The following ARMC3 variants were observed in gnomAD, a reference collection of about 807,000 sequenced individuals.
ARMC3 encodes the protein armadillo repeat containing 3.
Under a neutral mutation model 90.3 loss-of-function variants are expected in ARMC3, and 74 were observed. The observed-to-expected ratio is 0.82, with a 90% CI of 0.68 to 0.99. ARMC3 has a LOEUF of 0.99. Among genes scored for constraint, ARMC3 ranks in the 50% least tolerant of loss-of-function variants. The pLI is 0.00. For synonymous variants in ARMC3, 334 were observed against 361.8 expected (o/e 0.92, Z 0.87); for missense variants, 958 against 1,042.8 (o/e 0.92, Z 1.12).
chr10:23,009,825 C>T (rs1382208423), intron 16 of ARMC3, among the ~76,000 whole-genome samples: 1 of 152,150 alleles, frequency 6.6e-6, no homozygotes, highest in Non-Finnish European at 1.5e-5. Context: ...TTAAAACATA[C>T]TTCTTCTATG....
intron 7 of ARMC3, among the ~76,000 whole-genome samples, chr10:22,963,837 C>T (rs1408506733): frequency 7.4e-6 from 1 of 134,872 alleles, no homozygotes; most frequent in African/African-American, 2.7e-5. Context: ...TTGCAGTGAG[C>T]TGAGATCGCA....
chr10:23,013,996 C>G, intron 16 of ARMC3: 1 of 1,317,750 alleles, frequency 7.6e-7, no homozygotes. Context: ...AGATGTTTGA[C>G]TCCTTTACAG....
At position 23,031,263 on chromosome 10, in the gene ARMC3, G is replaced by A. The variant is rs141945292; in HGVS notation, c.2246+467G>A. The A allele has an allele frequency of 3.6e-5, 6 of 165,302 alleles. No homozygotes were observed. The East Asian group carries it at 1.0e-3, about 28-fold the overall frequency. The allele number at this position is 165,302 out of a possible 1,614,324, so 10.2% of individuals were successfully genotyped here. A position where few individuals can be genotyped will look rare whatever the true frequency, so the allele number is the denominator to read the frequency against. On this transcript the variant is annotated intron_variant, in intron 17 of 18. Transcript: ENST00000298032. The stretch of plus-strand genomic sequence containing the variant: ...TTTCATGTTACTCTAAGTGGGGTGT[G>A]AGCATTCTAAACAATGGCTGCTTAG...
intron 8 of ARMC3, among the ~76,000 whole-genome samples, chr10:22,980,808 T>G (rs1191568569): frequency 1.3e-5 from 2 of 152,234 alleles, no homozygotes; most frequent in South Asian, 2.1e-4. Flanking sequence ...AAAATGATTA[T>G]ATTTTGATAT....
intron 11 of ARMC3, among the ~76,000 whole-genome samples, chr10:22,999,626 T>C (rs1012829849): frequency 6.6e-6 from 1 of 152,222 alleles, no homozygotes; most frequent in African/African-American, 2.4e-5. Context: ...GGTATGTTTG[T>C]AATCCACATA....
At chr10:23,005,599 A>G (rs1312555072) in intron 13 of ARMC3, among the ~76,000 whole-genome samples, 1 of 151,874 alleles carries the variant, frequency 6.6e-6, no homozygotes, top group Non-Finnish European at 1.5e-5. Context: ...GTGCGGTGGC[A>G]CACGCCTGTA....
chr10:22,958,260 AC>A (rs1299769571), intron 4 of ARMC3, among the ~76,000 whole-genome samples: 4 of 152,184 alleles, frequency 2.6e-5, no homozygotes, highest in African/African-American at 7.2e-5. Flanking sequence ...ATAAAAATGT[AC>A]TTTAAAACAG....
rs768184494 is a variant in ARMC3 at position 23,033,031 on chromosome 10, AGGT to A, written c.2409+9_2409+11del. On this transcript the variant is annotated intron_variant, in intron 18 of 18. Transcript: ENST00000298032. ...CGAGCTTTGCTTTTCAAGGTGTGTAAGGTATTTTGCCTCATTTGCCATTAAGTA... is the reference window on the plus strand; with the variant it reads ...CGAGCTTTGCTTTTCAAGGTGTGTAAATTTTGCCTCATTTGCCATTAAGTA... 7.0e-5 allele frequency: 113 copies of A among 1,611,452 alleles called. 1 individual carries two copies. The East Asian group carries it at 2.5e-3, about 36-fold the overall frequency.
rs777746153 is a variant in ARMC3 at position 23,037,383 on chromosome 10, C to A, written c.2523C>A (p.Leu841=). Residue 841 remains leucine (L), a synonymous_variant, in exon 19 of 19, where the codon CTC becomes CTA. Transcript: ENST00000298032. ...NDSRKGVIGG[L]PAPEMYVIDL... is the part of the protein sequence containing the mutation. Reference sequence around the variant, plus strand: ...CTCGGAAGGGAGTGATTGGGGGCCTCCCCGCTCCTGAGATGTACGTGATTG... The same window carrying A: ...CTCGGAAGGGAGTGATTGGGGGCCTACCCGCTCCTGAGATGTACGTGATTG... 6.2e-7 allele frequency: 1 copy of A among 1,613,836 alleles called. No individual in the cohort carries two copies. The highest frequency in any genetic ancestry group is 8.5e-7 in the Non-Finnish European group (1 of 1,179,922).
chr10:23,024,175 T>G (rs1007577476), intron 16 of ARMC3, among the ~76,000 whole-genome samples: 3 of 152,258 alleles, frequency 2.0e-5, no homozygotes, highest in Non-Finnish European at 4.4e-5. Context: ...AAGTGGCATG[T>G]TTTTCAAGTG....
chr10:22,989,326 A>G (rs1344980516), intron 10 of ARMC3, among the ~76,000 whole-genome samples: 1 of 152,176 alleles, frequency 6.6e-6, no homozygotes, highest in Non-Finnish European at 1.5e-5. Flanking sequence ...GTCATTTACA[A>G]ATGTTTTGAC....
At chr10:22,969,697 T>C (rs756077325) in intron 8 of ARMC3, among the ~76,000 whole-genome samples, 2 of 152,262 alleles carry the variant, frequency 1.3e-5, no homozygotes, top group East Asian at 3.8e-4. Flanking sequence ...GTCAGTTCTC[T>C]CTTCCTTCTA....
At position 23,008,893 on chromosome 10, in the gene ARMC3, T is replaced by C; in HGVS notation, c.2007T>C (p.Thr669=). Residue 669 remains threonine (T), a synonymous_variant, in exon 16 of 19, where the codon ACT becomes ACC. Coordinates refer to ENST00000298032, the MANE Select transcript of ARMC3 (RefSeq NM_173081.5). ...DKSEPASGRN[T]VLSKSATKEK... is the part of the protein sequence containing the mutation. ...CAGAGCCAGCTTCTGGACGAAATAC[T>C]GTTCTCAGCAAAAGCGCCACCAAAG... The C allele has an allele frequency of 1.2e-6, 2 of 1,614,002 alleles. No homozygotes were observed. Among genetic ancestry groups the C allele is most frequent in the Non-Finnish European group, 1.7e-6 (2 of 1,179,926 alleles).
At chr10:22,980,154 T>G (rs1836120956) in intron 8 of ARMC3, among the ~76,000 whole-genome samples, 1 of 152,118 alleles carries the variant, frequency 6.6e-6, no homozygotes, top group Non-Finnish European at 1.5e-5. Flanking sequence ...AATGAATGAG[T>G]TCCACATGTA....
At chr10:23,006,611 A>G in intron 13 of ARMC3, 1 of 361,172 alleles carries the variant, frequency 2.8e-6, no homozygotes, top group Non-Finnish European at 5.2e-6. Context: ...CAATCCAAAT[A>G]CTTCCAGGGG....
intron 10 of ARMC3, among the ~76,000 whole-genome samples, 182 bp from the exon 11 acceptor site, chr10:22,997,965 CT>C (rs1356710249): frequency 6.6e-6 from 1 of 152,212 alleles, no homozygotes; most frequent in African/African-American, 2.4e-5. Flanking sequence ...TCATTCATAG[CT>C]CAAAATTTCC....
intron 2 of ARMC3, among the ~76,000 whole-genome samples, chr10:22,937,152 C>A (rs1286382619): frequency 6.6e-6 from 1 of 152,206 alleles, no homozygotes; most frequent in East Asian, 1.9e-4. Context: ...ATCTTCCCCC[C>A]TCGGCCTCCC....
At chr10:22,978,013 C>T (rs538084679) in intron 8 of ARMC3, among the ~76,000 whole-genome samples, 6 of 152,304 alleles carry the variant, frequency 3.9e-5, no homozygotes, top group East Asian at 3.9e-4. Context: ...ATCTTTGAGG[C>T]CAGTGCTAGA....
chr10:22,948,299 T>A (rs1353723994), intron 3 of ARMC3, among the ~76,000 whole-genome samples: 1 of 152,212 alleles, frequency 6.6e-6, no homozygotes, highest in Non-Finnish European at 1.5e-5. Context: ...CATTCAGTCT[T>A]ACGGAGTCAT....
Sources: gnomAD v4.1 joint callset for allele counts (sites outside exome capture counted in the v4.1 genomes callset) on GRCh38, gnomAD v4.1.1 for gene constraint, MANE v1.5 for transcripts, NCBI Gene and HGNC (gene_info 2026-07-23, HGNC 2026-07-21) for gene names.